The following ACSBG1 variants were observed in gnomAD, a reference collection of about 807,000 sequenced individuals.
ACSBG1 encodes acyl-CoA synthetase bubblegum family member 1, also known as long-chain-fatty-acid--CoA ligase ACSBG1.
Under a neutral mutation model 80.2 loss-of-function variants are expected in ACSBG1, and 39 were observed. The ratio of observed to expected loss-of-function variants is 0.49; its 90% CI spans 0.38 to 0.64. The LOEUF is 0.64. Among genes scored for constraint, ACSBG1 ranks in the 30% least tolerant of loss-of-function variants. The pLI, the probability that ACSBG1 is intolerant of heterozygous loss-of-function variation, is 0.00. For missense variants in ACSBG1, 828 were observed against 966.4 expected (o/e 0.86, Z 1.90); for synonymous variants, 392 against 379.5 (o/e 1.03, Z -0.38).
intron 1 of ACSBG1, among the ~76,000 whole-genome samples, chr15:78,215,790 A>G (rs888338157): frequency 6.0e-4 from 88 of 147,638 alleles, no homozygotes; most frequent in Middle Eastern, 3.4e-3. Flanking sequence ...AAGAAAGAGA[A>G]AGAAAGAGAG....
intron 2 of ACSBG1, among the ~76,000 whole-genome samples, chr15:78,205,771 A>G (rs2075208534): frequency 6.6e-6 from 1 of 152,186 alleles, no homozygotes; most frequent in Non-Finnish European, 1.5e-5. Context: ...CCTCCCCAGC[A>G]GTCTTTGATA....
At chr15:78,197,877 C>A (rs559887419) in intron 2 of ACSBG1, among the ~76,000 whole-genome samples, 1 of 152,098 alleles carries the variant, frequency 6.6e-6, no homozygotes, top group Non-Finnish European at 1.5e-5. Context: ...ATTCCTCCTA[C>A]GCCTGGACTA....
At position 78,180,746 on chromosome 15, in the gene ACSBG1, C is replaced by T; in HGVS notation, c.1253+9G>A. 2 of 1,612,808 alleles carry T rather than the reference C, an allele frequency of 1.2e-6. No homozygotes were observed. Among genetic ancestry groups the T allele is most frequent in the Non-Finnish European group, 1.7e-6 (2 of 1,179,206 alleles). On this transcript the variant is annotated intron_variant, in intron 9 of 13. Transcript: ENST00000258873. ...CTCCCCAGGCCTCCCGCCCGTGGGCCCTCTGTACCTGCCGGGGCAGGTGAG... is the reference window on the plus strand; with the variant it reads ...CTCCCCAGGCCTCCCGCCCGTGGGCTCTCTGTACCTGCCGGGGCAGGTGAG...
rs1321374017 is a variant in ACSBG1 at position 78,171,108 on chromosome 15, G to C, written c.*336C>G. ...CCCGCTCCACAGCCTACTGCTGGCT[G>C]TCCTGTATGTGAGCTAGCAGCTTTT... On this transcript the variant is annotated 3_prime_UTR_variant, in exon 14 of 14. Coordinates refer to ENST00000258873, the MANE Select transcript of ACSBG1 (RefSeq NM_015162.5). The C allele has an allele frequency of 1.0e-5, 2 of 200,620 alleles. No homozygotes were observed. Among genetic ancestry groups the C allele is most frequent in the Non-Finnish European group, 2.0e-5 (2 of 97,662 alleles). The allele number at this position is 200,620 out of a possible 1,614,324, so 12.4% of individuals were successfully genotyped here.
chr15:78,219,078 C>T (rs975422238), intron 1 of ACSBG1, among the ~76,000 whole-genome samples: 1 of 152,182 alleles, frequency 6.6e-6, no homozygotes, highest in Non-Finnish European at 1.5e-5. Context: ...TCCCAAAGTG[C>T]TGGGATTACA....
At chr15:78,214,296 G>C (rs2075290796) in intron 1 of ACSBG1, among the ~76,000 whole-genome samples, 2 of 152,290 alleles carry the variant, frequency 1.3e-5, no homozygotes, top group African/African-American at 4.8e-5. Flanking sequence ...CACTTAGGGA[G>C]CTCACACACT....
Position 78,169,049 on chromosome 15 carries a change from C to A in ACSBG1, c.*2395G>T, listed in dbSNP as rs761023185. Reference sequence around the variant, plus strand: ...TTACATCAGTCACTCTAAATGGACACCACATGAACCTCTGTTTAGAATACC... The same window carrying A: ...TTACATCAGTCACTCTAAATGGACAACACATGAACCTCTGTTTAGAATACC... On this transcript the variant is annotated 3_prime_UTR_variant, in exon 14 of 14. Transcript: ENST00000258873. 1.7e-6 allele frequency: 2 copies of A among 1,183,504 alleles called. No individual in the cohort carries two copies. Among genetic ancestry groups the A allele is most frequent in the South Asian group, 2.5e-5 (2 of 78,724 alleles). 73.3% of individuals were successfully genotyped at this position (1,183,504 alleles called of 1,614,324 possible).
intron 5 of ACSBG1, among the ~76,000 whole-genome samples, chr15:78,190,530 C>T (rs1383222992): frequency 6.8e-6 from 1 of 146,504 alleles, no homozygotes; most frequent in African/African-American, 2.5e-5. Flanking sequence ...ATGATTGCAC[C>T]ACTGCACTCC....
chr15:78,203,781 G>A (rs1198046125), intron 2 of ACSBG1, among the ~76,000 whole-genome samples: 4 of 152,234 alleles, frequency 2.6e-5, no homozygotes. Context: ...TTGTGCAGAT[G>A]GAGGAATAAC....
intron 5 of ACSBG1, among the ~76,000 whole-genome samples, chr15:78,187,625 C>A (rs933418119): frequency 6.6e-6 from 1 of 152,114 alleles, no homozygotes; most frequent in Non-Finnish European, 1.5e-5. Context: ...AATTCAACAA[C>A]CCTTCATGAT....
chr15:78,205,226 G>A (rs994257503), intron 2 of ACSBG1, among the ~76,000 whole-genome samples: 1 of 152,106 alleles, frequency 6.6e-6, no homozygotes, highest in African/African-American at 2.4e-5. Context: ...CCAGTGTCTC[G>A]GTGGCCTGAC....
intron 9 of ACSBG1, among the ~76,000 whole-genome samples, 166 bp downstream of exon 9, chr15:78,180,589 G>T (rs1008456534): frequency 6.6e-6 from 1 of 152,172 alleles, no homozygotes; most frequent in Non-Finnish European, 1.5e-5. Context: ...CCTGGGAAAC[G>T]CACAGGAGCT....
At chr15:78,205,018 T>TG (rs948208573) in intron 2 of ACSBG1, among the ~76,000 whole-genome samples, 1 of 151,906 alleles carries the variant, frequency 6.6e-6, no homozygotes, top group Non-Finnish European at 1.5e-5. Flanking sequence ...AGAAAGCGGG[T>TG]GGGGAGCCAG....
chr15:78,201,125 G>A (rs901948784), intron 2 of ACSBG1, among the ~76,000 whole-genome samples: 2 of 152,196 alleles, frequency 1.3e-5, no homozygotes, highest in African/African-American at 4.8e-5. Context: ...AATGGAGGAT[G>A]GGGTCATGGT....
intron 1 of ACSBG1, among the ~76,000 whole-genome samples, chr15:78,230,495 C>A (rs2075437111): frequency 6.6e-6 from 1 of 152,206 alleles, no homozygotes; most frequent in Non-Finnish European, 1.5e-5. Context: ...CCAGGAGCAG[C>A]CACCATGGCC....
intron 5 of ACSBG1, among the ~76,000 whole-genome samples, chr15:78,190,888 T>A (rs936452895): frequency 6.6e-6 from 1 of 150,872 alleles, no homozygotes; most frequent in South Asian, 2.1e-4. Flanking sequence ...GACAAAAAAG[T>A]CAGGAAAGAG....
chr15:78,201,454 C>T (rs1202630435), intron 2 of ACSBG1, among the ~76,000 whole-genome samples: 2 of 152,254 alleles, frequency 1.3e-5, no homozygotes, highest in African/African-American at 4.8e-5. Context: ...ACACGCCAGC[C>T]TCCTTTCCCA....
In ACSBG1 at chr15:78,178,989, T is replaced by A; in HGVS notation, c.1485-158A>T. 1 of 678,754 alleles carries A rather than the reference T, an allele frequency of 1.5e-6. No individual in the cohort carries two copies. The highest frequency in any genetic ancestry group is 2.0e-5 in the South Asian group (1 of 51,148). The allele number at this position is 678,754 out of a possible 1,614,324, so 42.0% of individuals were successfully genotyped here. A position where few individuals can be genotyped will look rare whatever the true frequency, so the allele number is the denominator to read the frequency against. On this transcript the variant is annotated intron_variant, in intron 10 of 13. Coordinates refer to ENST00000258873, the MANE Select transcript of ACSBG1 (RefSeq NM_015162.5). This position sits in a 1 kb window ranked among gnomAD's most constrained non-coding sequence, Gnocchi z 4.3. ...TTACAGGGGACTTACAGCTGAAAGG[T>A]AGAGCCAAGTAAAGGGTTTTAGGGA...
At chr15:78,206,517 C>T (rs1228038983) in intron 2 of ACSBG1, among the ~76,000 whole-genome samples, 1 of 152,190 alleles carries the variant, frequency 6.6e-6, no homozygotes, top group Admixed American at 6.5e-5. Flanking sequence ...CCACCTTGGC[C>T]GTCCCTGCCA....
Sources: gnomAD v4.1 joint callset for allele counts (sites outside exome capture counted in the v4.1 genomes callset) on GRCh38, gnomAD v4.1.1 for gene constraint, Gnocchi (gnomAD v3.1) non-coding constraint, MANE v1.5 for transcripts, NCBI Gene and HGNC (gene_info 2026-07-23, HGNC 2026-07-21) for gene names.